Variants in POU2F1 observed in about 807,000 individuals in gnomAD.
POU2F1 encodes POU domain, class 2, transcription factor 1.
Under a neutral mutation model 84.9 loss-of-function variants are expected in POU2F1, and 16 were observed. The observed-to-expected ratio is 0.19, with a 90% CI of 0.13 to 0.29. POU2F1 has a LOEUF of 0.29. POU2F1 is among the 10% of genes least tolerant of loss of function. The probability of loss-of-function intolerance (pLI) is 1.00; values close to 1 mark genes in which losing one functional copy is unlikely to be tolerated. For synonymous variants in POU2F1, 368 were observed against 368.3 expected, an observed-to-expected ratio of 1.00 and a Z score of 0.01; for missense variants, 738 against 942.6, an observed-to-expected ratio of 0.78 and a Z score of 2.84.
intron 2 of POU2F1, among the ~76,000 whole-genome samples, chr1:167,350,901 G>T (rs1658512909): frequency 6.6e-6 from 1 of 151,944 alleles, no homozygotes; most frequent in African/African-American, 2.4e-5. Context: ...GGGAGGCTGA[G>T]ACAGGAGAAT....
At chr1:167,320,477 A>G (rs1656231608) in intron 1 of POU2F1, among the ~76,000 whole-genome samples, 1 of 152,258 alleles carries the variant, frequency 6.6e-6, no homozygotes, top group Non-Finnish European at 1.5e-5. Context: ...ATACCTACAA[A>G]GTCAGCTAAG....
chr1:167,406,110 A>G (rs1245854221), intron 13 of POU2F1, among the ~76,000 whole-genome samples: 1 of 152,210 alleles, frequency 6.6e-6, no homozygotes, highest in Non-Finnish European at 1.5e-5. Flanking sequence ...ATATAAACCA[A>G]AACTCTCAAA....
chr1:167,254,773 G>A (rs1473644622), intron 1 of POU2F1, among the ~76,000 whole-genome samples: 1 of 152,082 alleles, frequency 6.6e-6, no homozygotes, highest in East Asian at 1.9e-4. Context: ...CCAGTGTCTT[G>A]AAAAAATATT....
At chr1:167,329,242 G>A (rs1301494838) in intron 1 of POU2F1, 1 of 1,544,756 alleles carries the variant, frequency 6.5e-7, no homozygotes, top group Admixed American at 2.0e-5. Flanking sequence ...TTTCTTCCTT[G>A]TTTGGACTCT....
At chr1:167,322,309 G>A (rs1656368771) in intron 1 of POU2F1, among the ~76,000 whole-genome samples, 1 of 152,110 alleles carries the variant, frequency 6.6e-6, no homozygotes, top group Admixed American at 6.5e-5. Flanking sequence ...TGCTTTCCAG[G>A]GAACAGAAGT....
chr1:167,396,999 T>C (rs989163483), intron 10 of POU2F1, among the ~76,000 whole-genome samples: 6 of 152,186 alleles, frequency 3.9e-5, no homozygotes, highest in Non-Finnish European at 7.3e-5. Context: ...TTATTGTAGA[T>C]ATGAACAAAA....
intron 1 of POU2F1, among the ~76,000 whole-genome samples, chr1:167,239,811 C>T (rs1275516543): frequency 2.0e-5 from 3 of 151,944 alleles, no homozygotes; most frequent in Non-Finnish European, 4.4e-5. Context: ...AAATGTATGT[C>T]GTCAGGGTTA....
chr1:167,392,318 C>T (rs1209593309), intron 9 of POU2F1, among the ~76,000 whole-genome samples: 2 of 148,166 alleles, frequency 1.3e-5, no homozygotes, highest in Non-Finnish European at 3.0e-5. Context: ...CGCCACTGCA[C>T]ACCAGCTTTG....
chr1:167,369,002 G>A (rs1446414691), intron 3 of POU2F1, among the ~76,000 whole-genome samples: 1 of 152,122 alleles, frequency 6.6e-6, no homozygotes, highest in Non-Finnish European at 1.5e-5. Flanking sequence ...GGATCCTTAT[G>A]TAGTGCATTG....
chr1:167,276,271 C>G (rs1376957862), intron 1 of POU2F1, among the ~76,000 whole-genome samples: 2 of 152,072 alleles, frequency 1.3e-5, no homozygotes, highest in African/African-American at 4.8e-5. Flanking sequence ...CAGTAGCGGC[C>G]TATGTTATCA....
Position 167,389,712 on chromosome 1 carries a change from A to T in POU2F1, c.938A>T (p.Gln313Leu). 1.9e-6 allele frequency: 3 copies of T among 1,614,134 alleles called. No individual in the cohort carries two copies. Among genetic ancestry groups the T allele is most frequent in the Non-Finnish European group, 2.5e-6 (3 of 1,180,016 alleles). ...EEPSDLEELE[Q>L]FAKTFKQRRI... Reference sequence around the variant, plus strand: ...CCCAGTGACCTTGAGGAGCTTGAGCAGTTTGCCAAGACCTTCAAACAAAGA... The same window carrying T: ...CCCAGTGACCTTGAGGAGCTTGAGCTGTTTGCCAAGACCTTCAAACAAAGA... Residue 313 changes from glutamine (Q) to leucine (L), a missense_variant, in exon 9 of 16, where the codon CAG becomes CTG. Gln to Leu is a moderately radical substitution (Grantham distance 113). Coordinates refer to ENST00000367866, the MANE Select transcript of POU2F1 (RefSeq NM_002697.4).
At chr1:167,381,643 TTTTTTC>T (rs1367818092) in intron 7 of POU2F1, among the ~76,000 whole-genome samples, 2 of 149,280 alleles carry the variant, frequency 1.3e-5, no homozygotes, top group African/African-American at 4.9e-5. Context: ...CAGAGTCTTG[TTTTTTC>T]ACCCAGGCTG....
intron 1 of POU2F1, among the ~76,000 whole-genome samples, chr1:167,237,731 CAT>C (rs1288467764): frequency 8.9e-6 from 1 of 112,912 alleles, no homozygotes; most frequent in Non-Finnish European, 1.8e-5. Context: ...TTTTTAAATC[CAT>C]ATATGTGTGT....
Position 167,419,573 on chromosome 1 carries a change from A to G in POU2F1, c.*3763A>G, listed in dbSNP as rs1016278447. The G allele has an allele frequency of 6.6e-6, 1 of 152,246 alleles. No homozygotes were observed. Among genetic ancestry groups the G allele is most frequent in the African/African-American group, 2.4e-5 (1 of 41,468 alleles). The allele number at this position is 152,246 out of a possible 1,614,324, so 9.4% of individuals were successfully genotyped here. A position where few individuals can be genotyped will look rare whatever the true frequency, so the allele number is the denominator to read the frequency against. On this transcript the variant is annotated 3_prime_UTR_variant, in exon 16 of 16. Transcript: ENST00000367866. ...ATAACAGAGCAGAAAGACCTAAAAAAGGGCTTCTCACAGGAACAATATTAC... is the reference window on the plus strand; with the variant it reads ...ATAACAGAGCAGAAAGACCTAAAAAGGGGCTTCTCACAGGAACAATATTAC...
At chr1:167,263,548 G>A (rs1651729513) in intron 1 of POU2F1, among the ~76,000 whole-genome samples, 1 of 151,446 alleles carries the variant, frequency 6.6e-6, no homozygotes, top group African/African-American at 2.4e-5. Context: ...TCACCTGTTG[G>A]CTTCTAATTC....
At chr1:167,384,592 G>C (rs1408644287) in intron 8 of POU2F1, among the ~76,000 whole-genome samples, 1 of 151,724 alleles carries the variant, frequency 6.6e-6, no homozygotes, top group Non-Finnish European at 1.5e-5. Context: ...CTGCAGTATG[G>C]AAGTTATCAC....
intron 4 of POU2F1, 127 bp downstream of exon 4, chr1:167,370,341 G>C: frequency 5.8e-6 from 4 of 689,466 alleles, no homozygotes; most frequent in Admixed American, 3.4e-5. Context: ...AGTGAATCTC[G>C]TGAAGATTCA....
intron 1 of POU2F1, among the ~76,000 whole-genome samples, chr1:167,298,448 A>AT (rs1156559851): frequency 2.0e-5 from 3 of 151,870 alleles, no homozygotes; most frequent in African/African-American, 4.8e-5. Context: ...TTAAATGTAA[A>AT]TTTTTTTTCT....
chr1:167,235,460 G>T (rs765901880), intron 1 of POU2F1, among the ~76,000 whole-genome samples: 16 of 152,158 alleles, frequency 1.1e-4, no homozygotes, highest in Non-Finnish European at 2.1e-4. Flanking sequence ...GATTTCAGGC[G>T]ATTAGACTAT....
Sources: allele counts gnomAD v4.1 joint callset (sites outside exome capture counted in the v4.1 genomes callset), GRCh38; gene constraint gnomAD v4.1.1; transcripts MANE v1.5; gene names NCBI Gene and HGNC (gene_info 2026-07-23, HGNC 2026-07-21).